SIAH1: variants seen among roughly 807,000 people sequenced by gnomAD.
The protein encoded by SIAH1 is siah E3 ubiquitin protein ligase 1, also known as E3 ubiquitin-protein ligase SIAH1.
A neutral mutation model predicts 20.0 loss-of-function variants in SIAH1; 2 were observed. The observed-to-expected ratio is 0.10, with a 90% CI of 0.04 to 0.31. SIAH1 has a LOEUF of 0.31. SIAH1 is among the 10% of genes least tolerant of loss of function. SIAH1 has a pLI of 1.00. For synonymous variants in SIAH1, 118 were observed against 125.3 expected (o/e 0.94, Z 0.39); for missense variants, 119 against 355.3 (o/e 0.33, Z 5.35).
intron 1 of SIAH1, among the ~76,000 whole-genome samples, chr16:48,384,868 C>T (rs1212971461): frequency 6.9e-6 from 1 of 144,898 alleles, no homozygotes; most frequent in African/African-American, 2.5e-5. Flanking sequence ...CGGCCGGGCC[C>T]GCCTCCCGGG....
At position 48,377,479 on chromosome 16, in the gene SIAH1, C is replaced by T. The variant is rs529056590; in HGVS notation, c.-3+7725G>A. The stretch of plus-strand genomic sequence containing the variant: ...CATCTCGGCTCACTGCAACCTACAC[C>T]TCCCGGGTTAAGTGATTCTCCTGCC... On this transcript the variant is annotated intron_variant, in intron 1 of 1. Coordinates refer to ENST00000394725, the MANE Select transcript of SIAH1 (RefSeq NM_003031.4). 2.0e-5 allele frequency among the ~76,000 whole-genome samples: 3 copies of T among 151,836 alleles called. No homozygotes were observed. The South Asian group carries it at 6.2e-4, about 32-fold the overall frequency.
chr16:48,386,851 C>T (rs1024361707), upstream of SIAH1, among the ~76,000 whole-genome samples: 3 of 152,180 alleles, frequency 2.0e-5, no homozygotes, highest in Non-Finnish European at 4.4e-5. Flanking sequence ...GCCCCCAGAA[C>T]CCCTGGGCCG....
At chr16:48,376,871 G>C (rs1961122443) in intron 1 of SIAH1, among the ~76,000 whole-genome samples, 1 of 152,068 alleles carries the variant, frequency 6.6e-6, no homozygotes, top group Non-Finnish European at 1.5e-5. Flanking sequence ...AATTCAAAAG[G>C]GCAAAATTTA....
At chr16:48,385,892 A>G (rs1420233711), upstream of SIAH1, among the ~76,000 whole-genome samples, 1 of 152,082 alleles carries the variant, frequency 6.6e-6, no homozygotes, top group African/African-American at 2.4e-5. Context: ...CTCAGTCCCA[A>G]AGAAAAAGCG....
chr16:48,362,574 G>T lies in SIAH1; in HGVS notation c.-2-144C>A, dbSNP rs1354904775. ...GAGGAAGAAAAATAGGATTAAAAAA[G>T]ATATTAAAAAAATAAAATTACACTG... On this transcript the variant is annotated intron_variant, in intron 1 of 1. Coordinates refer to ENST00000394725, the MANE Select transcript of SIAH1 (RefSeq NM_003031.4). The surrounding 1 kb of genome is among the most constrained non-coding windows in gnomAD (Gnocchi z 4.2). The T allele has an allele frequency of 7.6e-6, 6 of 788,154 alleles. No homozygotes were observed. The highest frequency in any genetic ancestry group is 1.2e-5 in the Non-Finnish European group (6 of 497,900). The allele number at this position is 788,154 out of a possible 1,614,324, so 48.8% of individuals were successfully genotyped here. A position where few individuals can be genotyped will look rare whatever the true frequency, so the allele number is the denominator to read the frequency against.
In SIAH1 at chr16:48,361,353, G is replaced by A; in HGVS notation, c.*227C>T. On this transcript the variant is annotated 3_prime_UTR_variant, in exon 2 of 2. Transcript: ENST00000394725. ...TTAATACAAAAGATGCCCATCTTGG[G>A]TGTATATACATATATTTTTTCAGTG... 2.0e-6 allele frequency: 1 copy of A among 491,936 alleles called. No individual in the cohort carries two copies. 30.5% of individuals were successfully genotyped at this position (491,936 alleles called of 1,614,324 possible).
chr16:48,365,337 T>C (rs775947709), intron 1 of SIAH1: 74 of 1,606,266 alleles, frequency 4.6e-5, no homozygotes, highest in South Asian at 4.0e-4. Context: ...CACTGACTAA[T>C]AGCGTTCAAG....
chr16:48,365,195 C>G, intron 1 of SIAH1: 1 of 593,524 alleles, frequency 1.7e-6, no homozygotes, highest in Non-Finnish European at 2.9e-6. Context: ...CAAGGACAGC[C>G]CTGCAGAAGT....
chr16:48,370,388 G>A (rs1416869587), intron 1 of SIAH1, among the ~76,000 whole-genome samples: 1 of 148,396 alleles, frequency 6.7e-6, no homozygotes, highest in East Asian at 1.9e-4. Context: ...GCTAAACACA[G>A]TTCTTCATTA....
intron 1 of SIAH1, among the ~76,000 whole-genome samples, chr16:48,378,540 T>C (rs1440564251): frequency 2.0e-5 from 3 of 152,206 alleles, no homozygotes; most frequent in Non-Finnish European, 4.4e-5. Context: ...TTTGTGAAAA[T>C]GTCAAGCTGT....
Position 48,362,970 on chromosome 16 carries a change from AAATTTTTAAAATAC to A in SIAH1, c.-2-554_-2-541del, listed in dbSNP as rs1035271186. 6.0e-5 allele frequency: 10 copies of A among 165,858 alleles called. No homozygotes were observed. Among genetic ancestry groups the A allele is most frequent in the African/African-American group, 2.4e-4 (10 of 41,402 alleles). 10.3% of individuals were successfully genotyped at this position (165,858 alleles called of 1,614,324 possible). On this transcript the variant is annotated intron_variant, in intron 1 of 1. Transcript: ENST00000394725. This position sits in a 1 kb window ranked among gnomAD's most constrained non-coding sequence, Gnocchi z 4.2. The stretch of plus-strand genomic sequence containing the variant: ...TTCAGAAAAATTTATAAAGAATACA[AAATTTTTAAAATAC>A]AGTCTATAACAACTATTTACATATT...
At chr16:48,373,383 T>C (rs568968185) in intron 1 of SIAH1, among the ~76,000 whole-genome samples, 2 of 152,328 alleles carry the variant, frequency 1.3e-5, no homozygotes, top group South Asian at 4.1e-4. Flanking sequence ...ACTCAGAGTC[T>C]TCCTTTTTTC....
At chr16:48,365,938 C>T (rs909895985) in intron 1 of SIAH1, 63 of 1,212,444 alleles carry the variant, frequency 5.2e-5, no homozygotes, top group Non-Finnish European at 6.0e-5. Context: ...GGGGCTGGGC[C>T]TGCGTTGGGA....
chr16:48,379,546 A>G (rs1298793010), intron 1 of SIAH1, among the ~76,000 whole-genome samples: 1 of 152,244 alleles, frequency 6.6e-6, no homozygotes, highest in Admixed American at 6.5e-5. Context: ...TAATAAGGAC[A>G]GTGTGGAGTC....
intron 1 of SIAH1, among the ~76,000 whole-genome samples, chr16:48,381,784 T>C (rs776009950): frequency 4.6e-5 from 7 of 152,218 alleles, no homozygotes; most frequent in Non-Finnish European, 1.0e-4. Flanking sequence ...AGAGGATTTC[T>C]AGGGTGGTGA....
intron 1 of SIAH1, among the ~76,000 whole-genome samples, chr16:48,379,096 G>A (rs1189899585): frequency 6.6e-6 from 1 of 152,166 alleles, no homozygotes; most frequent in African/African-American, 2.4e-5. Context: ...AAAGTAGGCA[G>A]TGTCTCTGCT....
intron 1 of SIAH1, chr16:48,365,290 G>T: frequency 1.6e-6 from 2 of 1,281,072 alleles, no homozygotes; most frequent in South Asian, 1.3e-5. Context: ...GAAACGTCTC[G>T]ATTCTGCTGC....
At chr16:48,378,543 C>T (rs1961172349) in intron 1 of SIAH1, among the ~76,000 whole-genome samples, 1 of 152,172 alleles carries the variant, frequency 6.6e-6, no homozygotes, top group African/African-American at 2.4e-5. Context: ...GTGAAAATGT[C>T]AAGCTGTACA....
intron 1 of SIAH1, chr16:48,365,830 G>A (rs756875015): frequency 4.9e-5 from 61 of 1,248,928 alleles, no homozygotes; most frequent in Non-Finnish European, 5.9e-5. Flanking sequence ...CGGATGCAGG[G>A]GGCGACGCGC....
Sources: allele counts gnomAD v4.1 joint callset (sites outside exome capture counted in the v4.1 genomes callset), GRCh38; gene constraint gnomAD v4.1.1; non-coding constraint Gnocchi (gnomAD v3.1); transcripts MANE v1.5; gene names NCBI Gene and HGNC (gene_info 2026-07-23, HGNC 2026-07-21).